The following AK3 variants were observed in gnomAD, a reference collection of about 807,000 sequenced individuals.
The protein encoded by AK3 is adenylate kinase 3, also known as GTP:AMP phosphotransferase AK3, mitochondrial.
A neutral mutation model predicts 23.7 loss-of-function variants in AK3; 27 were observed. The ratio of observed to expected loss-of-function variants is 1.14; its 90% confidence interval spans 0.84 to 1.57. The LOEUF (loss-of-function observed/expected upper bound fraction) is 1.57. Ranked by LOEUF, AK3 falls within the 40% of genes most tolerant of loss-of-function variation. The probability of loss-of-function intolerance (pLI) is 0.00; values close to 1 mark genes in which losing one functional copy is unlikely to be tolerated. For synonymous variants in AK3, 159 were observed against 116.0 expected, an observed-to-expected ratio of 1.37 and a Z score of -2.38; for missense variants, 406 against 285.6, an observed-to-expected ratio of 1.42 and a Z score of -3.04.
intron 4 of AK3, among the ~76,000 whole-genome samples, chr9:4,717,193 A>C (rs1251173780): frequency 1.3e-5 from 2 of 152,328 alleles, no homozygotes; most frequent in South Asian, 4.1e-4. Flanking sequence ...TTCTGGCTCC[A>C]GAGTCTGTGT....
intron 1 of AK3, among the ~76,000 whole-genome samples, chr9:4,733,555 T>C (rs1842202733): frequency 6.6e-6 from 1 of 152,202 alleles, no homozygotes; most frequent in African/African-American, 2.4e-5. Context: ...ATATTAAAAA[T>C]GAAAACCTCC....
chr9:4,728,135 A>G (rs1269209278), intron 1 of AK3, among the ~76,000 whole-genome samples: 1 of 152,264 alleles, frequency 6.6e-6, no homozygotes, highest in Non-Finnish European at 1.5e-5. Flanking sequence ...GTTACTAAAA[A>G]TGTAAAATAG....
intron 3 of AK3, 67 bp from the exon 4 acceptor site, chr9:4,718,604 C>T (rs555051720): frequency 2.4e-6 from 3 of 1,270,496 alleles, no homozygotes; most frequent in East Asian, 4.7e-5. Flanking sequence ...ATAAGCAGTT[C>T]AATTATTTTT....
chr9:4,719,024 A>G, intron 3 of AK3, 111 bp downstream of exon 3: 1 of 1,221,002 alleles, frequency 8.2e-7, no homozygotes, highest in Non-Finnish European at 1.2e-6. Flanking sequence ...CTGAGAATAT[A>G]CCCTCAGGAG....
At chr9:4,723,449 T>A (rs936265184) in intron 1 of AK3, among the ~76,000 whole-genome samples, 1 of 152,222 alleles carries the variant, frequency 6.6e-6, no homozygotes, top group Non-Finnish European at 1.5e-5. Flanking sequence ...AGTATTGTGA[T>A]TATGTTATAT....
At chr9:4,732,922 T>G (rs972192058) in intron 1 of AK3, among the ~76,000 whole-genome samples, 1 of 151,754 alleles carries the variant, frequency 6.6e-6, no homozygotes, top group Non-Finnish European at 1.5e-5. Flanking sequence ...TATAACTCAC[T>G]GCAGTCTCAA....
At chr9:4,718,045 G>C (rs1841784536) in intron 4 of AK3, among the ~76,000 whole-genome samples, 1 of 152,226 alleles carries the variant, frequency 6.6e-6, no homozygotes, top group African/African-American at 2.4e-5. Flanking sequence ...TGTAGTTCAA[G>C]TTGGCTCCAT....
intron 1 of AK3, among the ~76,000 whole-genome samples, chr9:4,727,364 T>A (rs1352462515): frequency 6.6e-6 from 1 of 152,238 alleles, no homozygotes; most frequent in Admixed American, 6.5e-5. Context: ...GTAGACACCT[T>A]CATCAATGAT....
At chr9:4,729,833 T>TAAA (rs55934908) in intron 1 of AK3, among the ~76,000 whole-genome samples, 1 of 132,796 alleles carries the variant, frequency 7.5e-6, no homozygotes. Context: ...CTGTGTCTCT[T>TAAA]AAAAAAAAAA....
At chr9:4,726,641 T>G (rs1842029596) in intron 1 of AK3, among the ~76,000 whole-genome samples, 1 of 151,988 alleles carries the variant, frequency 6.6e-6, no homozygotes, top group African/African-American at 2.4e-5. Context: ...CACTGAAGGC[T>G]TGAACCCCTT....
intron 1 of AK3, among the ~76,000 whole-genome samples, chr9:4,728,489 T>C (rs529515085): frequency 1.6e-4 from 25 of 152,288 alleles, no homozygotes; most frequent in African/African-American, 6.0e-4. Flanking sequence ...GAGAAGTGCT[T>C]GAACCTGGGA....
chr9:4,713,055 T>C lies in AK3; in HGVS notation c.605A>G (p.Asn202Ser). 2.5e-6 allele frequency: 4 copies of C among 1,613,806 alleles called. No individual in the cohort carries two copies. The highest frequency in any genetic ancestry group is 3.4e-6 in the Non-Finnish European group (4 of 1,179,790). The change falls in exon 5 of 5, where the codon AAC becomes AGC. Residue 202 changes from asparagine to serine, a missense_variant. Asn to Ser is a conservative substitution (Grantham distance 46, BLOSUM62 1). Coordinates refer to ENST00000381809, the MANE Select transcript of AK3 (RefSeq NM_016282.4). ...VLETFSGTET[N>S]KIWPYVYAFL... ...AGCATATACATAGGGCCAAATCTTG[T>C]TGGTTTCTGTTCCGGAGAATGTTTC... is the stretch of plus-strand genomic sequence containing the variant.
chr9:4,716,582 C>G (rs1327518915), intron 4 of AK3, among the ~76,000 whole-genome samples: 6 of 152,130 alleles, frequency 3.9e-5, no homozygotes, highest in Non-Finnish European at 8.8e-5. Flanking sequence ...ATAGTAACAG[C>G]TACTACAAAA....
chr9:4,736,710 T>A (rs184327189), intron 1 of AK3, among the ~76,000 whole-genome samples: 1 of 151,680 alleles, frequency 6.6e-6, no homozygotes, highest in African/African-American at 2.4e-5. Context: ...TGAGACAGGG[T>A]CTCACTCTGT....
intron 1 of AK3, among the ~76,000 whole-genome samples, chr9:4,740,480 G>C (rs192341461): frequency 1.3e-5 from 2 of 152,246 alleles, no homozygotes; most frequent in South Asian, 2.1e-4. Context: ...AGATCTCATA[G>C]AGCTTAACCA....
rs1417714135 is a variant in AK3 at position 4,711,238 on chromosome 9, C to G, written c.*1738G>C. The G allele has an allele frequency of 7.2e-5, 11 of 152,664 alleles. No individual in the cohort carries two copies. Among genetic ancestry groups the G allele is most frequent in the Admixed American group, 7.2e-4 (11 of 15,284 alleles). 9.5% of individuals were successfully genotyped at this position (152,664 alleles called of 1,614,324 possible). A position where few individuals can be genotyped will look rare whatever the true frequency, so the allele number is the denominator to read the frequency against. ...CAGCAGAAAGGAAGGTGGGATGGAG[C>G]AGGCCCTGTGAAGGACCAAGAACAA... On this transcript the variant is annotated 3_prime_UTR_variant, in exon 5 of 5. Coordinates refer to ENST00000381809, the MANE Select transcript of AK3 (RefSeq NM_016282.4).
intron 1 of AK3, among the ~76,000 whole-genome samples, chr9:4,723,394 A>G (rs1841950123): frequency 6.6e-6 from 1 of 152,208 alleles, no homozygotes; most frequent in Non-Finnish European, 1.5e-5. Flanking sequence ...CAATCCTGTA[A>G]AACAGGTGCT....
At chr9:4,739,748 A>G (rs1842380439) in intron 1 of AK3, among the ~76,000 whole-genome samples, 1 of 151,976 alleles carries the variant, frequency 6.6e-6, no homozygotes, top group Non-Finnish European at 1.5e-5. Context: ...TGGCTAACAC[A>G]GTGAAACCCC....
Position 4,711,702 on chromosome 9 carries a change from A to T in AK3, c.*1274T>A, listed in dbSNP as rs1217709062. On this transcript the variant is annotated 3_prime_UTR_variant, in exon 5 of 5. Transcript: ENST00000381809. ...TAATCAAGTTTTTCCTCCATCTCTC[A>T]TATTTCCCCACTTCTACCAGACCAC... is the stretch of plus-strand genomic sequence containing the variant. 1 of 152,180 alleles carries T rather than the reference A, an allele frequency of 6.6e-6. No homozygotes were observed. The highest frequency in any genetic ancestry group is 2.4e-5 in the African/African-American group (1 of 41,430). 9.4% of individuals were successfully genotyped at this position (152,180 alleles called of 1,614,324 possible).
Sources: gnomAD v4.1 joint callset for allele counts (sites outside exome capture counted in the v4.1 genomes callset) on GRCh38, gnomAD v4.1.1 for gene constraint, MANE v1.5 for transcripts, NCBI Gene and HGNC (gene_info 2026-07-23, HGNC 2026-07-21) for gene names.